The following AKT3 variants were observed in gnomAD, a reference collection of about 807,000 sequenced individuals.
The protein encoded by AKT3 is AKT serine/threonine kinase 3.
In AKT3, 15 loss-of-function variants were observed where a neutral mutation model predicts 65.3. That is an observed-to-expected ratio of 0.23 (90% CI 0.15 to 0.35). The LOEUF (loss-of-function observed/expected upper bound fraction) is 0.35, where lower values mean the gene tolerates loss of function less well. Ranked by LOEUF, AKT3 falls within the 10% of genes least tolerant of loss-of-function variation. AKT3 has a pLI of 1.00. For missense variants in AKT3, 243 were observed against 576.5 expected (o/e 0.42, Z 5.92); for synonymous variants, 206 against 183.8 (o/e 1.12, Z -0.98).
chr1:243,664,843 T>C lies in AKT3; in HGVS notation c.213A>G (p.Thr71=), dbSNP rs1682657215. 1.9e-6 allele frequency: 3 copies of C among 1,592,824 alleles called. No homozygotes were observed. The highest frequency in any genetic ancestry group is 4.6e-5 in the East Asian group (2 of 43,612). Residue 71 remains threonine, a synonymous_variant, in exon 4 of 14, where the codon ACA becomes ACG. Transcript: ENST00000673466. Reference sequence around the variant, plus strand: ...TCCACTGGAGACATCTGATTATAAATGTGTTTGGCTTTGGTCGTTCTGTTT... The same window carrying C: ...TCCACTGGAGACATCTGATTATAAACGTGTTTGGCTTTGGTCGTTCTGTTT... ...LMKTERPKPN[T]FIIRCLQWTT... is the part of the protein sequence containing the mutation.
chr1:243,739,950 C>T (rs371990955), intron 2 of AKT3, among the ~76,000 whole-genome samples: 1 of 152,244 alleles, frequency 6.6e-6, no homozygotes, highest in African/African-American at 2.4e-5. Context: ...AACTGGATCA[C>T]TATTGCTCAT....
intron 8 of AKT3, among the ~76,000 whole-genome samples, chr1:243,588,830 G>C (rs150645597): frequency 5.7e-4 from 86 of 152,086 alleles, no homozygotes; most frequent in African/African-American, 2.0e-3. Flanking sequence ...ATTGGTCTTG[G>C]CAAGTATTTC....
intron 2 of AKT3, among the ~76,000 whole-genome samples, chr1:243,712,942 A>C (rs936329601): frequency 4.6e-5 from 7 of 152,210 alleles, no homozygotes; most frequent in Non-Finnish European, 1.0e-4. Flanking sequence ...AGAATCCATG[A>C]CAACCATGAG....
chr1:243,658,864 CAAAAAAA>C (rs58117921), intron 4 of AKT3, among the ~76,000 whole-genome samples: 17 of 82,920 alleles, frequency 2.1e-4, no homozygotes, highest in African/African-American at 7.0e-4. Context: ...CTTGTCTCTA[CAAAAAAA>C]AAAAAAAAAA....
rs1051885780 is a variant in AKT3, at chr1:243,502,945, T to C, written c.*2304A>G. 1.7e-5 allele frequency: 4 copies of C among 233,224 alleles called. No homozygotes were observed. The South Asian group carries it at 7.2e-4, about 42-fold the overall frequency. 14.4% of individuals were successfully genotyped at this position (233,224 alleles called of 1,614,324 possible). A position where few individuals can be genotyped will look rare whatever the true frequency, so the allele number is the denominator to read the frequency against. ...TTAGTGTTCGGTGTCATGCTTTCCC[T>C]CTAGAGGAGTAAGTGCTCTGAACAT... On this transcript the variant is annotated 3_prime_UTR_variant, in exon 14 of 14. Transcript: ENST00000673466.
intron 8 of AKT3, among the ~76,000 whole-genome samples, chr1:243,597,956 T>C (rs1676741113): frequency 6.6e-6 from 1 of 152,364 alleles, no homozygotes; most frequent in East Asian, 1.9e-4. Context: ...GAATGTACAT[T>C]ATCACTTTTG....
chr1:243,740,189 G>C (rs1416160388), intron 2 of AKT3, among the ~76,000 whole-genome samples: 2 of 152,254 alleles, frequency 1.3e-5, no homozygotes, highest in Non-Finnish European at 1.5e-5. Context: ...AAAACACTTA[G>C]ACTCTCAAGT....
chr1:243,585,968 T>C (rs1011446211), intron 8 of AKT3, among the ~76,000 whole-genome samples: 4 of 152,072 alleles, frequency 2.6e-5, no homozygotes, highest in Admixed American at 1.3e-4. Context: ...GGATAAAATA[T>C]TCATAAACTA....
intron 2 of AKT3, among the ~76,000 whole-genome samples, chr1:243,716,291 A>G (rs1686509403): frequency 6.6e-6 from 1 of 152,156 alleles, no homozygotes; most frequent in Non-Finnish European, 1.5e-5. Flanking sequence ...TCTCATTTTT[A>G]TTTACCTACG....
At chr1:243,537,279 C>T (rs1340932595) in intron 12 of AKT3, among the ~76,000 whole-genome samples, 4 of 152,058 alleles carry the variant, frequency 2.6e-5, no homozygotes, top group Admixed American at 6.6e-5. Flanking sequence ...TTCCTTAGCC[C>T]TCTCCTCCTT....
intron 2 of AKT3, among the ~76,000 whole-genome samples, chr1:243,753,253 T>A (rs1239129749): frequency 1.3e-5 from 2 of 152,226 alleles, no homozygotes; most frequent in Non-Finnish European, 2.9e-5. Context: ...CTATGGGGTC[T>A]TAAGCAGTGT....
intron 12 of AKT3, among the ~76,000 whole-genome samples, chr1:243,540,362 C>T (rs1672223146): frequency 6.6e-6 from 1 of 151,986 alleles, no homozygotes; most frequent in Admixed American, 6.6e-5. Context: ...GCAGTAAGTG[C>T]AGAAAAAGCT....
chr1:243,759,062 C>G (rs564120309), intron 2 of AKT3, among the ~76,000 whole-genome samples: 6 of 152,200 alleles, frequency 3.9e-5, no homozygotes, highest in Non-Finnish European at 8.8e-5. Context: ...GCCTGTAATC[C>G]CAGCACTTTG....
rs1687329720 is a variant in AKT3, at chr1:243,728,137, T to C, written c.47-32421A>G. The stretch of plus-strand genomic sequence containing the variant: ...AGCCTCACCCTGGCAAACGGTTTGA[T>C]TGTTCATCACAGCAAACTCCTGAAA... On this transcript the variant is annotated intron_variant, in intron 2 of 13. Transcript: ENST00000673466. 2.0e-5 allele frequency among the ~76,000 whole-genome samples: 3 copies of C among 152,318 alleles called. No homozygotes were observed. In the South Asian group the frequency reaches 6.2e-4, roughly 32 times the overall value.
chr1:243,727,645 C>G lies in AKT3; in HGVS notation c.47-31929G>C, dbSNP rs540543178. On this transcript the variant is annotated intron_variant, in intron 2 of 13. Coordinates refer to ENST00000673466, the MANE Select transcript of AKT3 (RefSeq NM_005465.7). ...TAATTTATAGGCTGAAATTGCAAAACTGAAAACCCTATTCTTGCAACAATA... is the reference window on the plus strand; with the variant it reads ...TAATTTATAGGCTGAAATTGCAAAAGTGAAAACCCTATTCTTGCAACAATA... Among the ~76,000 whole-genome samples the G allele has an allele frequency of 5.9e-5, 9 of 152,184 alleles. No individual in the cohort carries two copies. In the South Asian group the frequency reaches 1.9e-3, roughly 32 times the overall value.
chr1:243,724,391 T>C (rs1264142896), intron 2 of AKT3, among the ~76,000 whole-genome samples: 1 of 152,178 alleles, frequency 6.6e-6, no homozygotes, highest in African/African-American at 2.4e-5. Context: ...TAGAGAACTA[T>C]TAGGTGAGCA....
chr1:243,806,752 C>G (rs941107506), intron 2 of AKT3, among the ~76,000 whole-genome samples: 1 of 152,106 alleles, frequency 6.6e-6, no homozygotes, highest in Non-Finnish European at 1.5e-5. Flanking sequence ...TAAATTAAAT[C>G]AGTTTTTCAA....
chr1:243,491,524 GA>G (rs1479954652), intron 13 of AKT3, among the ~76,000 whole-genome samples: 3 of 152,230 alleles, frequency 2.0e-5, no homozygotes, highest in Non-Finnish European at 4.4e-5. Context: ...AGGAGGCAGG[GA>G]TCCAGGTTTG....
intron 2 of AKT3, among the ~76,000 whole-genome samples, chr1:243,807,695 C>T (rs940826425): frequency 1.3e-5 from 2 of 152,210 alleles, no homozygotes; most frequent in African/African-American, 2.4e-5. Flanking sequence ...GTGGTTCTCC[C>T]AGCACAGAGC....
Sources: gnomAD v4.1 joint callset for allele counts (sites outside exome capture counted in the v4.1 genomes callset) on GRCh38, gnomAD v4.1.1 for gene constraint, MANE v1.5 for transcripts, NCBI Gene and HGNC (gene_info 2026-07-23, HGNC 2026-07-21) for gene names.